The following PAIP2B variants were observed in gnomAD, a reference collection of about 807,000 sequenced individuals.
PAIP2B encodes the protein poly(A) binding protein interacting protein 2B.
Under a neutral mutation model 17.0 loss-of-function variants are expected in PAIP2B, and 13 were observed. That is an observed-to-expected ratio of 0.76 (90% CI 0.50 to 1.22). The LOEUF is 1.22. Among genes scored for constraint, PAIP2B ranks in the 50% most tolerant of loss-of-function variants. The pLI is 0.00. For synonymous variants in PAIP2B, 43 were observed against 48.7 expected, an observed-to-expected ratio of 0.88 and a Z score of 0.48; for missense variants, 117 against 144.5, an observed-to-expected ratio of 0.81 and a Z score of 0.98.
chr2:71,199,338 C>T (rs1036344269), intron 2 of PAIP2B, among the ~76,000 whole-genome samples: 1 of 150,958 alleles, frequency 6.6e-6, no homozygotes, highest in Non-Finnish European at 1.5e-5. Flanking sequence ...ATATTGTTGA[C>T]ATTTCAGAAT....
chr2:71,218,735 C>T (rs567347470), intron 1 of PAIP2B, among the ~76,000 whole-genome samples: 43 of 151,810 alleles, frequency 2.8e-4, no homozygotes, highest in Admixed American at 7.2e-4. Context: ...AATATATAGC[C>T]AGCTATTAAA....
At chr2:71,214,288 T>C (rs1358350026) in intron 1 of PAIP2B, among the ~76,000 whole-genome samples, 4 of 152,224 alleles carry the variant, frequency 2.6e-5, no homozygotes, top group Non-Finnish European at 5.9e-5. Flanking sequence ...AGAAAGGCTA[T>C]AATAGAAAAC....
intron 2 of PAIP2B, among the ~76,000 whole-genome samples, chr2:71,190,370 G>A (rs1364677998): frequency 1.3e-5 from 2 of 152,136 alleles, no homozygotes; most frequent in Non-Finnish European, 2.9e-5. Flanking sequence ...GCTTCATTGA[G>A]CCAAGACTGC....
chr2:71,220,275 G>A (rs1194766600), intron 1 of PAIP2B, among the ~76,000 whole-genome samples: 2 of 152,170 alleles, frequency 1.3e-5, no homozygotes, highest in African/African-American at 2.4e-5. Context: ...CGTAACAAAA[G>A]ATTCCCTTGG....
At chr2:71,194,342 A>T (rs113961480) in intron 2 of PAIP2B, among the ~76,000 whole-genome samples, 9,940 of 152,186 alleles carry the variant, frequency 0.065, 358 homozygotes, top group African/African-American at 0.088. Context: ...GATTCTTCCT[A>T]TCCATGAGCA....
At chr2:71,199,133 C>G (rs561382866) in intron 2 of PAIP2B, among the ~76,000 whole-genome samples, 2 of 152,154 alleles carry the variant, frequency 1.3e-5, no homozygotes, top group African/African-American at 4.8e-5. Context: ...TATTTTCTAT[C>G]TTCATTATTT....
At chr2:71,200,858 A>G (rs1158214189) in intron 2 of PAIP2B, among the ~76,000 whole-genome samples, 1 of 152,230 alleles carries the variant, frequency 6.6e-6, no homozygotes, top group African/African-American at 2.4e-5. Context: ...ACAATTGTTT[A>G]TCTGCTCAGC....
At chr2:71,226,400 C>A (rs1220616652) in intron 1 of PAIP2B, among the ~76,000 whole-genome samples, 1 of 152,038 alleles carries the variant, frequency 6.6e-6, no homozygotes, top group Non-Finnish European at 1.5e-5. Flanking sequence ...GCAAATGAGG[C>A]ATGAAGAATG....
At chr2:71,189,705 T>C (rs1674634135) in intron 3 of PAIP2B, 140 bp downstream of exon 3, 1 of 712,074 alleles carries the variant, frequency 1.4e-6, no homozygotes, top group East Asian at 2.9e-5. Context: ...TTATTAATAA[T>C]GCCCATAAAA....
chr2:71,223,490 G>A (rs1024431873), intron 1 of PAIP2B, among the ~76,000 whole-genome samples: 8 of 150,534 alleles, frequency 5.3e-5, no homozygotes, highest in Non-Finnish European at 1.0e-4. Flanking sequence ...CCAGGCTGGA[G>A]TGCAGTGGCA....
chr2:71,214,649 A>G (rs771639883), intron 1 of PAIP2B, among the ~76,000 whole-genome samples: 7 of 152,220 alleles, frequency 4.6e-5, no homozygotes, highest in African/African-American at 9.6e-5. Context: ...ATGAAGCTAT[A>G]TACAGCCTTT....
chr2:71,199,954 C>G (rs2103778046), intron 2 of PAIP2B, among the ~76,000 whole-genome samples: 1 of 152,278 alleles, frequency 6.6e-6, no homozygotes, highest in Admixed American at 6.5e-5. Flanking sequence ...TCCTGAGTTA[C>G]TTTAAAATAA....
At chr2:71,201,527 G>T (rs1674985119) in intron 2 of PAIP2B, among the ~76,000 whole-genome samples, 2 of 151,758 alleles carry the variant, frequency 1.3e-5, no homozygotes, top group African/African-American at 4.8e-5. Flanking sequence ...ATTATAGGAG[G>T]GTGCCACCAT....
rs539915521 is a variant in PAIP2B at position 71,185,513 on chromosome 2, A to C, written c.*2966T>G. The C allele has an allele frequency of 2.7e-5, 4 of 150,394 alleles. No individual in the cohort carries two copies. The highest frequency in any genetic ancestry group is 9.8e-5 in the African/African-American group (4 of 40,832). 9.3% of individuals were successfully genotyped at this position (150,394 alleles called of 1,614,324 possible). On this transcript the variant is annotated 3_prime_UTR_variant, in exon 4 of 4. Coordinates refer to ENST00000244221, the MANE Select transcript of PAIP2B (RefSeq NM_020459.1). Reference sequence around the variant, plus strand: ...AGCCTAGGAATTTGATGCTGCAGTGAGCTATGGTCATACCACTGCACTCCA... The same window carrying C: ...AGCCTAGGAATTTGATGCTGCAGTGCGCTATGGTCATACCACTGCACTCCA...
intron 1 of PAIP2B, among the ~76,000 whole-genome samples, chr2:71,215,684 C>G (rs1400009333): frequency 6.6e-6 from 1 of 152,190 alleles, no homozygotes; most frequent in African/African-American, 2.4e-5. Context: ...CTTGTTAAAG[C>G]AAAACTCCTC....
At chr2:71,211,719 AT>A in intron 1 of PAIP2B, among the ~76,000 whole-genome samples, 1 of 152,258 alleles carries the variant, frequency 6.6e-6, no homozygotes, top group Admixed American at 6.5e-5. Flanking sequence ...CATATATTAC[AT>A]TTTTAACCTA....
At chr2:71,214,098 C>G (rs1675369645) in intron 1 of PAIP2B, among the ~76,000 whole-genome samples, 1 of 152,196 alleles carries the variant, frequency 6.6e-6, no homozygotes, top group Admixed American at 6.5e-5. Flanking sequence ...ACCTCATCCT[C>G]TCAAGTGGCT....
chr2:71,211,716 T>A (rs1371372249), intron 1 of PAIP2B, among the ~76,000 whole-genome samples: 8 of 152,212 alleles, frequency 5.3e-5, no homozygotes, highest in African/African-American at 1.9e-4. Flanking sequence ...TTACATATAT[T>A]ACATTTTTAA....
intron 1 of PAIP2B, among the ~76,000 whole-genome samples, chr2:71,207,337 T>G (rs1039887101): frequency 1.3e-5 from 2 of 152,138 alleles, no homozygotes; most frequent in Admixed American, 1.3e-4. Context: ...GGAGGGAATT[T>G]TCGGGAACTA....
Sources: allele counts gnomAD v4.1 joint callset (sites outside exome capture counted in the v4.1 genomes callset), GRCh38; gene constraint gnomAD v4.1.1; transcripts MANE v1.5; gene names NCBI Gene and HGNC (gene_info 2026-07-23, HGNC 2026-07-21).